EPB41L1: variants seen among roughly 807,000 people sequenced by gnomAD.
The protein encoded by EPB41L1 is erythrocyte membrane protein band 4.1 like 1.
EPB41L1 carries 29 observed loss-of-function variants against 97.8 expected under a neutral mutation model. The ratio of observed to expected loss-of-function variants is 0.30; its 90% CI spans 0.22 to 0.40. The LOEUF is 0.40. EPB41L1 is among the 10% of genes least tolerant of loss of function. EPB41L1 has a pLI of 1.00. For synonymous variants in EPB41L1, 383 were observed against 459.2 expected (o/e 0.83, Z 2.12); for missense variants, 812 against 1,162.3 (o/e 0.70, Z 4.38).
chr20:36,227,822 C>A (rs574046809), intron 21 of EPB41L1, among the ~76,000 whole-genome samples: 31 of 152,320 alleles, frequency 2.0e-4, no homozygotes, highest in Non-Finnish European at 2.8e-4. Flanking sequence ...GAACCTTTTC[C>A]CTTCTCTCCC....
chr20:36,142,737 G>A (rs2059687281), intron 2 of EPB41L1, among the ~76,000 whole-genome samples: 1 of 152,198 alleles, frequency 6.6e-6, no homozygotes, highest in Non-Finnish European at 1.5e-5. Flanking sequence ...TACCTGCCCG[G>A]GCTGTGCTGT....
intron 2 of EPB41L1, among the ~76,000 whole-genome samples, chr20:36,143,158 T>C (rs1808813665): frequency 6.6e-6 from 1 of 150,992 alleles, no homozygotes; most frequent in Admixed American, 6.6e-5. Context: ...TGTGTGTGTG[T>C]GTGTGTGTGT....
At chr20:36,222,450 C>A in intron 21 of EPB41L1, 56 bp downstream of exon 21, 1 of 1,366,252 alleles carries the variant, frequency 7.3e-7, no homozygotes, top group Non-Finnish European at 1.0e-6. Context: ...GTAGCAAGAT[C>A]CTCTGAGGGC....
intron 2 of EPB41L1, among the ~76,000 whole-genome samples, chr20:36,118,684 A>T (rs1341528899): frequency 6.6e-6 from 1 of 152,220 alleles, no homozygotes; most frequent in African/African-American, 2.4e-5. Flanking sequence ...AATACCTGGG[A>T]TTATATTAGA....
At chr20:36,216,534 ATG>A (rs900918763) in intron 17 of EPB41L1, among the ~76,000 whole-genome samples, 3 of 152,204 alleles carry the variant, frequency 2.0e-5, no homozygotes, top group Admixed American at 2.0e-4. Context: ...GTCATCAGAT[ATG>A]TGTTTCTGTG....
At chr20:36,178,693 G>A in intron 5 of EPB41L1, 21 bp downstream of exon 5, 1 of 1,613,910 alleles carries the variant, frequency 6.2e-7, no homozygotes, top group Non-Finnish European at 8.5e-7. Context: ...TGTTGTGTTT[G>A]GGGAGGTGGG....
chr20:36,203,042 G>C (rs368560314), intron 14 of EPB41L1, among the ~76,000 whole-genome samples: 14 of 152,164 alleles, frequency 9.2e-5, no homozygotes, highest in African/African-American at 2.4e-4. Context: ...AGGCACCGAC[G>C]GTCCCCTGGC....
chr20:36,108,543 G>A (rs1209661456), intron 1 of EPB41L1, among the ~76,000 whole-genome samples: 1 of 151,796 alleles, frequency 6.6e-6, no homozygotes, highest in Non-Finnish European at 1.5e-5. Flanking sequence ...GCATGGAGGT[G>A]CGCACCTGTA....
At position 36,221,855 on chromosome 20, in the gene EPB41L1, C is replaced by G; in HGVS notation, c.2440-9C>G. On this transcript the variant is annotated splice_polypyrimidine_tract_variant and intron_variant, in intron 19 of 21. Transcript: ENST00000338074. ...CCAAGAGTGACCTCACCTCCCTCTC[C>G]CTCTGCAGACTGTGAAAGGAGGGTT... 1.2e-6 allele frequency: 2 copies of G among 1,613,998 alleles called. No homozygotes were observed. Among genetic ancestry groups the G allele is most frequent in the Non-Finnish European group, 1.7e-6 (2 of 1,179,890 alleles).
At chr20:36,096,577 T>A (rs1329706834) in intron 1 of EPB41L1, among the ~76,000 whole-genome samples, 3 of 152,230 alleles carry the variant, frequency 2.0e-5, no homozygotes, top group Non-Finnish European at 4.4e-5. Context: ...CTTCTTATCT[T>A]GATTAACTCC....
At chr20:36,172,843 G>T (rs1004420217) in intron 1 of EPB41L1, among the ~76,000 whole-genome samples, 1 of 152,120 alleles carries the variant, frequency 6.6e-6, no homozygotes, top group Non-Finnish European at 1.5e-5. Flanking sequence ...TAGGTGATCC[G>T]CCCTCCCTGG....
In EPB41L1 at chr20:36,190,314, CAAACCACCGGTCAGCCAAGAGACTGTGG is replaced by C. The variant is rs2146336513; in HGVS notation, c.1067_1094del (p.Asn356ArgfsTer24). The C allele has an allele frequency of 6.2e-7, 1 of 1,614,192 alleles. No homozygotes were observed. The highest frequency in any genetic ancestry group is 1.7e-5 in the Admixed American group (1 of 60,028). Reference sequence around the variant, plus strand: ...GAGAGCACAATTGGCTTTAAGCTCCCAAACCACCGGTCAGCCAAGAGACTGTGGAAGGTCTGCATCGAGCATCATACAT... The same window carrying C: ...GAGAGCACAATTGGCTTTAAGCTCCCAAGGTCTGCATCGAGCATCATACAT... On this transcript the variant is annotated frameshift_variant, in exon 10 of 22. Transcript: ENST00000338074. LOFTEE classifies it high-confidence loss of function. The surrounding 1 kb of genome is among the most constrained non-coding windows in gnomAD (Gnocchi z 5.8).
chr20:36,125,155 A>G (rs1451772458), intron 2 of EPB41L1, among the ~76,000 whole-genome samples: 2 of 152,168 alleles, frequency 1.3e-5, no homozygotes, highest in Non-Finnish European at 2.9e-5. Flanking sequence ...GGTTGGGGAC[A>G]AACCCAGAGA....
rs2064450444 is a variant in EPB41L1 at position 36,230,626 on chromosome 20, A to G, written c.*1286A>G. ...GACACCTTCTCCCTGCCCCCCTGGTAGTAACAGTCAGGGCCTGGTCTGTGC... is the reference window on the plus strand; with the variant it reads ...GACACCTTCTCCCTGCCCCCCTGGTGGTAACAGTCAGGGCCTGGTCTGTGC... On this transcript the variant is annotated 3_prime_UTR_variant, in exon 22 of 22. Coordinates refer to ENST00000338074, the MANE Select transcript of EPB41L1 (RefSeq NM_012156.2). 1 of 152,270 alleles carries G rather than the reference A, an allele frequency of 6.6e-6. No individual in the cohort carries two copies. The highest frequency in any genetic ancestry group is 6.5e-5 in the Admixed American group (1 of 15,288). 9.4% of individuals were successfully genotyped at this position (152,270 alleles called of 1,614,324 possible).
rs181702972 is a variant in EPB41L1, at chr20:36,173,628, C to G, written c.-14-136C>G. On this transcript the variant is annotated intron_variant, in intron 1 of 21. Coordinates refer to ENST00000338074, the MANE Select transcript of EPB41L1 (RefSeq NM_012156.2). ...TCCTCCCCACTTCCTCTGTCTCTCCCTTCCTCCTCCCTTTGCCCTGTGACT... is the reference window on the plus strand; with the variant it reads ...TCCTCCCCACTTCCTCTGTCTCTCCGTTCCTCCTCCCTTTGCCCTGTGACT... 263 of 799,184 alleles carry G rather than the reference C, an allele frequency of 3.3e-4. 1 individual carries two copies. In the African/African-American group the frequency reaches 3.7e-3, roughly 11 times the overall value. The allele number at this position is 799,184 out of a possible 1,614,324, so 49.5% of individuals were successfully genotyped here.
chr20:36,132,560 T>G (rs2059251499), intron 2 of EPB41L1, among the ~76,000 whole-genome samples: 1 of 14,006 alleles, frequency 7.1e-5, no homozygotes, highest in African/African-American at 3.1e-4. Context: ...ATGGACATCT[T>G]TGTGGGCGGG....
At chr20:36,167,716 TTAATAATAATAA>T (rs747803257) in intron 1 of EPB41L1, among the ~76,000 whole-genome samples, 1 of 150,072 alleles carries the variant, frequency 6.7e-6, no homozygotes, top group East Asian at 1.9e-4. Flanking sequence ...TCCAATAATA[TTAATAATAATAA>T]TAATAACAAT....
chr20:36,213,885 G>A (rs1051004646), intron 16 of EPB41L1, among the ~76,000 whole-genome samples: 5 of 152,114 alleles, frequency 3.3e-5, no homozygotes, highest in African/African-American at 1.2e-4. Context: ...TTATTTTGGA[G>A]ATCACTCCTT....
In EPB41L1 at chr20:36,212,753, G is replaced by T. The variant is rs2063207769; in HGVS notation, c.2184+377G>T. Among the ~76,000 whole-genome samples the T allele has an allele frequency of 6.6e-6, 1 of 152,228 alleles. No individual in the cohort carries two copies. The highest frequency in any genetic ancestry group is 2.1e-4 in the South Asian group (1 of 4,834). ...GGTTTCTTGAGGTATCTCAGGGGCTGCTTGAGGAGAGAAGAGGGAGAGATC... is the reference window on the plus strand; with the variant it reads ...GGTTTCTTGAGGTATCTCAGGGGCTTCTTGAGGAGAGAAGAGGGAGAGATC... On this transcript the variant is annotated intron_variant, in intron 16 of 21. Coordinates refer to ENST00000338074, the MANE Select transcript of EPB41L1 (RefSeq NM_012156.2). This position sits in a 1 kb window ranked among gnomAD's most constrained non-coding sequence, Gnocchi z 4.8.
Sources: allele counts gnomAD v4.1 joint callset (sites outside exome capture counted in the v4.1 genomes callset), GRCh38; gene constraint gnomAD v4.1.1; non-coding constraint Gnocchi (gnomAD v3.1); transcripts MANE v1.5; gene names NCBI Gene and HGNC (gene_info 2026-07-23, HGNC 2026-07-21).